Variants in UBE2H observed in about 807,000 individuals in gnomAD.
UBE2H encodes the protein ubiquitin-conjugating enzyme E2 H.
Under a neutral mutation model 29.0 loss-of-function variants are expected in UBE2H, and 3 were observed. The ratio of observed to expected loss-of-function variants is 0.10; its 90% CI spans 0.05 to 0.27. The LOEUF is 0.27. Ranked by LOEUF, UBE2H falls within the 10% of genes least tolerant of loss-of-function variation. UBE2H has a pLI of 1.00. For synonymous variants in UBE2H, 69 were observed against 82.9 expected, an observed-to-expected ratio of 0.83 and a Z score of 0.91; for missense variants, 68 against 228.2, an observed-to-expected ratio of 0.30 and a Z score of 4.52.
intron 1 of UBE2H, among the ~76,000 whole-genome samples, chr7:129,927,114 C>T (rs961227625): frequency 3.3e-5 from 5 of 152,146 alleles, no homozygotes; most frequent in South Asian, 2.1e-4. Context: ...GATGCCTAGG[C>T]TTTTTATTCA....
intron 1 of UBE2H, among the ~76,000 whole-genome samples, chr7:129,923,127 C>T (rs1461027390): frequency 6.6e-6 from 1 of 151,940 alleles, no homozygotes; most frequent in African/African-American, 2.4e-5. Flanking sequence ...TTCTCAATCT[C>T]CTGACCTCGT....
chr7:129,906,700 A>G (rs535948024), intron 1 of UBE2H, among the ~76,000 whole-genome samples: 2 of 152,340 alleles, frequency 1.3e-5, no homozygotes, highest in Admixed American at 1.3e-4. Flanking sequence ...CTGAAAAAGA[A>G]AAAGTTCTTT....
intron 1 of UBE2H, among the ~76,000 whole-genome samples, chr7:129,901,346 C>A (rs770177253): frequency 1.3e-3 from 196 of 152,232 alleles, no homozygotes; most frequent in Non-Finnish European, 1.8e-3. Context: ...GACCACAGGG[C>A]TTCTGGAGAG....
In UBE2H at chr7:129,878,380, ACTT is replaced by A. The variant is rs576031782; in HGVS notation, c.205+1185_205+1187del. ...TCTAGACTCCAGGATATCGGGCATT[ACTT>A]CTTAAGACAGCCCACAGCAGCCAGG... On this transcript the variant is annotated intron_variant, in intron 3 of 6. Coordinates refer to ENST00000355621, the MANE Select transcript of UBE2H (RefSeq NM_003344.4). Among the ~76,000 whole-genome samples the A allele has an allele frequency of 1.3e-4, 20 of 152,132 alleles. No homozygotes were observed. The South Asian group carries it at 3.7e-3, about 28-fold the overall frequency.
chr7:129,835,111 T>C (rs745792285), intron 6 of UBE2H, 50 bp from the exon 7 acceptor site: 2 of 1,609,364 alleles, frequency 1.2e-6, no homozygotes, highest in East Asian at 4.5e-5. Context: ...GGCAGGCATG[T>C]GCTTTGGCGA....
chr7:129,916,681 T>A (rs1807050107), intron 1 of UBE2H, among the ~76,000 whole-genome samples: 1 of 152,054 alleles, frequency 6.6e-6, no homozygotes, highest in Admixed American at 6.6e-5. Context: ...ACAGAGAACA[T>A]CCTGTCCACT....
At chr7:129,943,027 G>C (rs1464079081) in intron 1 of UBE2H, among the ~76,000 whole-genome samples, 1 of 151,930 alleles carries the variant, frequency 6.6e-6, no homozygotes. Flanking sequence ...ATTTTTAGTA[G>C]AGATGGGGTT....
intron 1 of UBE2H, among the ~76,000 whole-genome samples, chr7:129,942,212 C>CAAAAAAAA (rs966117564): frequency 5.4e-5 from 2 of 36,750 alleles, no homozygotes; most frequent in Admixed American, 2.9e-4. Context: ...GACTCGGTCT[C>CAAAAAAAA]AAAAAAAAAA....
intron 1 of UBE2H, among the ~76,000 whole-genome samples, chr7:129,945,616 G>A (rs146602617): frequency 3.9e-5 from 6 of 152,104 alleles, no homozygotes; most frequent in African/African-American, 7.2e-5. Context: ...ATCCCATTTC[G>A]GGAAAACAGA....
chr7:129,910,267 T>C (rs1806905404), intron 1 of UBE2H, among the ~76,000 whole-genome samples: 1 of 151,222 alleles, frequency 6.6e-6, no homozygotes, highest in Non-Finnish European at 1.5e-5. Context: ...AGGTGAAGGT[T>C]ACAGTGAACG....
intron 3 of UBE2H, among the ~76,000 whole-genome samples, chr7:129,867,698 ATAAAAAAAAAAAAAAAAAAGAAAAC>A (rs1358290092): frequency 3.5e-5 from 3 of 85,792 alleles, no homozygotes; most frequent in Non-Finnish European, 7.0e-5. Context: ...TTAGAGTATA[ATAAAAAAAAAAAAAAAAAAGAAAAC>A]CAAAAAAAAA....
intron 1 of UBE2H, among the ~76,000 whole-genome samples, chr7:129,919,385 T>G (rs1807110388): frequency 6.6e-6 from 1 of 152,116 alleles, no homozygotes; most frequent in South Asian, 2.1e-4. Context: ...CTTAAAACCT[T>G]CAATGAGTCT....
chr7:129,886,969 C>T (rs1196090316), intron 1 of UBE2H, among the ~76,000 whole-genome samples: 1 of 151,978 alleles, frequency 6.6e-6, no homozygotes, highest in Non-Finnish European at 1.5e-5. Flanking sequence ...GTAGAAGAAA[C>T]AGTAGAGGGC....
At chr7:129,944,492 A>T (rs1236974509) in intron 1 of UBE2H, among the ~76,000 whole-genome samples, 1 of 152,180 alleles carries the variant, frequency 6.6e-6, no homozygotes, top group Non-Finnish European at 1.5e-5. Context: ...ACAGCGGCTT[A>T]CATCTGTAAT....
chr7:129,858,995 T>C, intron 3 of UBE2H, 54 bp from the exon 4 acceptor site: 4 of 1,454,010 alleles, frequency 2.8e-6, no homozygotes, highest in Non-Finnish European at 2.9e-6. Flanking sequence ...ACAATAAAAG[T>C]ATTTCAGTAC....
intron 1 of UBE2H, among the ~76,000 whole-genome samples, chr7:129,941,123 T>A (rs1194019154): frequency 6.6e-6 from 1 of 151,996 alleles, no homozygotes; most frequent in Non-Finnish European, 1.5e-5. Context: ...CCCGGCTAAT[T>A]TTTTGTATTT....
At chr7:129,845,506 G>A (rs746082650) in intron 5 of UBE2H, among the ~76,000 whole-genome samples, 1 of 152,134 alleles carries the variant, frequency 6.6e-6, no homozygotes, top group Non-Finnish European at 1.5e-5. Context: ...TTTCTTTTCT[G>A]CACACTGCTG....
chr7:129,944,307 G>T (rs1232168657), intron 1 of UBE2H, among the ~76,000 whole-genome samples: 8 of 152,148 alleles, frequency 5.3e-5, no homozygotes, highest in African/African-American at 1.7e-4. Flanking sequence ...AGTGAGCCGA[G>T]ATCGCGCCAC....
rs1395840697 is a variant in UBE2H, at chr7:129,930,612, T to TA, written c.53+21890dup. On this transcript the variant is annotated intron_variant, in intron 1 of 6. Transcript: ENST00000355621. Reference sequence around the variant, plus strand: ...GGTGAAAACCCATCTCTACTAAAAATAAAAAAAAATTAACAGCTGGGCACA... The same window carrying TA: ...GGTGAAAACCCATCTCTACTAAAAATAAAAAAAAAATTAACAGCTGGGCACA... Among the ~76,000 whole-genome samples the TA allele has an allele frequency of 5.4e-5, 8 of 147,682 alleles. No individual in the cohort carries two copies. In the East Asian group the frequency reaches 8.1e-4, roughly 15 times the overall value.
Sources: gnomAD v4.1 joint callset for allele counts (sites outside exome capture counted in the v4.1 genomes callset) on GRCh38, gnomAD v4.1.1 for gene constraint, MANE v1.5 for transcripts, NCBI Gene and HGNC (gene_info 2026-07-23, HGNC 2026-07-21) for gene names.